EXT1: variants seen among roughly 807,000 people sequenced by gnomAD.
EXT1 encodes the protein exostosin glycosyltransferase 1.
A neutral mutation model predicts 82.5 loss-of-function variants in EXT1; 20 were observed. The ratio of observed to expected loss-of-function variants is 0.24; its 90% CI spans 0.17 to 0.35. EXT1 has a LOEUF of 0.35. EXT1 is among the 10% of genes least tolerant of loss of function. The pLI, the probability that EXT1 is intolerant of heterozygous loss-of-function variation, is 1.00. For synonymous variants in EXT1, 348 were observed against 350.8 expected (o/e 0.99, Z 0.09); for missense variants, 757 against 936.5 (o/e 0.81, Z 2.50).
intron 1 of EXT1, among the ~76,000 whole-genome samples, chr8:118,013,850 G>C (rs561220190): frequency 6.6e-6 from 1 of 152,212 alleles, no homozygotes; most frequent in African/African-American, 2.4e-5. Context: ...AAATTTAACT[G>C]GGCCTCCTAC....
intron 1 of EXT1, among the ~76,000 whole-genome samples, chr8:117,954,601 T>C (rs979063628): frequency 2.6e-5 from 4 of 152,226 alleles, no homozygotes; most frequent in Non-Finnish European, 5.9e-5. Context: ...CCAGCCTATA[T>C]TTGGAGTCTT....
chr8:117,945,963 C>A (rs145119160), intron 1 of EXT1, among the ~76,000 whole-genome samples: 5 of 152,162 alleles, frequency 3.3e-5, no homozygotes, highest in African/African-American at 1.2e-4. Context: ...AGTGCAATGG[C>A]GCAATCTCAG....
chr8:118,004,042 A>T (rs17505093), intron 1 of EXT1, among the ~76,000 whole-genome samples: 2,073 of 152,312 alleles, frequency 0.014, 44 homozygotes, highest in African/African-American at 0.047. Flanking sequence ...AGCTTAAGCA[A>T]TTAGGCTAGA....
At chr8:117,810,430 C>G (rs1563874663) in intron 8 of EXT1, among the ~76,000 whole-genome samples, 1 of 152,182 alleles carries the variant, frequency 6.6e-6, no homozygotes, top group African/African-American at 2.4e-5. Context: ...CATTTTCAAC[C>G]CACGTTGACT....
chr8:117,989,918 G>A (rs778627211), intron 1 of EXT1, among the ~76,000 whole-genome samples: 6 of 152,260 alleles, frequency 3.9e-5, no homozygotes, highest in South Asian at 4.2e-4. Context: ...GACTGGAGGC[G>A]GGCACAGTGG....
intron 1 of EXT1, among the ~76,000 whole-genome samples, chr8:117,979,653 C>A: frequency 6.6e-6 from 1 of 152,004 alleles, no homozygotes; most frequent in East Asian, 1.9e-4. Context: ...GTAACTAGAC[C>A]GGGCAAAACA....
intron 1 of EXT1, among the ~76,000 whole-genome samples, chr8:118,056,482 G>A (rs1160537553): frequency 2.0e-5 from 3 of 152,048 alleles, no homozygotes; most frequent in Admixed American, 1.3e-4. Flanking sequence ...CCCCTACCCC[G>A]GCTTACATTG....
chr8:118,046,568 T>C (rs11562725), intron 1 of EXT1, among the ~76,000 whole-genome samples: 67,549 of 152,006 alleles, frequency 0.44, 15,209 homozygotes, highest in Middle Eastern at 0.52. Flanking sequence ...AGCTCACACT[T>C]CACACCACCT....
chr8:118,105,751 G>T (rs767356627), intron 1 of EXT1, among the ~76,000 whole-genome samples: 1 of 152,028 alleles, frequency 6.6e-6, no homozygotes, highest in Non-Finnish European at 1.5e-5. Flanking sequence ...TAAAACCCGA[G>T]AATCTCAATT....
chr8:117,845,790 T>C (rs1201279544), intron 1 of EXT1, among the ~76,000 whole-genome samples: 1 of 152,110 alleles, frequency 6.6e-6, no homozygotes, highest in African/African-American at 2.4e-5. Flanking sequence ...CTCCACTTTT[T>C]AAGCATTTCC....
chr8:118,018,204 T>C lies in EXT1; in HGVS notation c.962+91881A>G, dbSNP rs1297077030. Among the ~76,000 whole-genome samples the C allele has an allele frequency of 3.3e-5, 5 of 152,172 alleles. No individual in the cohort carries two copies. The South Asian group carries it at 1.0e-3, about 32-fold the overall frequency. On this transcript the variant is annotated intron_variant, in intron 1 of 10. Coordinates refer to ENST00000378204, the MANE Select transcript of EXT1 (RefSeq NM_000127.3). ...ATGTCCTTATTTGGAAATAGGGTCA[T>C]TGCAGATGTAATTAGTTAAGTTAGA...
intron 1 of EXT1, among the ~76,000 whole-genome samples, chr8:117,881,587 G>A (rs1563589542): frequency 6.6e-6 from 1 of 152,138 alleles, no homozygotes; most frequent in African/African-American, 2.4e-5. Flanking sequence ...GTGGTTCCAG[G>A]ACTAAGGCCA....
In EXT1 at chr8:117,837,184, A is replaced by G. The variant is rs1812201734; in HGVS notation, c.980T>C (p.Met327Thr). Residue 327 changes from methionine (M) to threonine (T), a missense_variant, in exon 2 of 11, where the codon ATG becomes ACG. Coordinates refer to ENST00000378204, the MANE Select transcript of EXT1 (RefSeq NM_000127.3). Reference protein sequence around the residue: ...TEYEKYDYREMLHNATFCLVP... With the variant: ...TEYEKYDYRETLHNATFCLVP... ...CAGACAGAAAGTGGCATTGTGCAGC[A>G]TTTCCCGATAATCATACCTAGAAAG... 6.2e-7 allele frequency: 1 copy of G among 1,613,740 alleles called. No homozygotes were observed. The highest frequency in any genetic ancestry group is 1.3e-5 in the African/African-American group (1 of 74,912).
chr8:118,029,071 T>G lies in EXT1; in HGVS notation c.962+81014A>C, dbSNP rs191595004. The stretch of plus-strand genomic sequence containing the variant: ...TCTAGGCAATATACAAAGGACTACA[T>G]GTACCTAGATTAGGAGTTTAAAATA... On this transcript the variant is annotated intron_variant, in intron 1 of 10. Transcript: ENST00000378204. Among the ~76,000 whole-genome samples, 149 of 152,246 alleles carry G rather than the reference T, an allele frequency of 9.8e-4. 2 individuals carry two copies. The highest frequency in any genetic ancestry group is 3.5e-3 in the African/African-American group (144 of 41,518).
intron 1 of EXT1, among the ~76,000 whole-genome samples, chr8:117,934,133 G>A (rs1040352463): frequency 6.6e-6 from 1 of 152,052 alleles, no homozygotes. Flanking sequence ...AGACACACCT[G>A]TAAATTTTCA....
intron 1 of EXT1, among the ~76,000 whole-genome samples, chr8:117,975,790 T>C (rs1815051767): frequency 1.3e-5 from 2 of 152,212 alleles, no homozygotes; most frequent in Non-Finnish European, 1.5e-5. Flanking sequence ...CTCAAATAAA[T>C]CCATTTGAAA....
At chr8:117,987,327 C>A (rs1815343241) in intron 1 of EXT1, among the ~76,000 whole-genome samples, 1 of 152,182 alleles carries the variant, frequency 6.6e-6, no homozygotes, top group South Asian at 2.1e-4. Flanking sequence ...TGGGAAAACC[C>A]CAGATCCTCC....
intron 1 of EXT1, among the ~76,000 whole-genome samples, chr8:118,105,256 AACACC>A (rs1320998979): frequency 6.6e-6 from 1 of 152,208 alleles, no homozygotes; most frequent in Non-Finnish European, 1.5e-5. Flanking sequence ...AGAAAGAACT[AACACC>A]ACCTGCAGGT....
At chr8:117,959,996 A>C (rs1814667462) in intron 1 of EXT1, among the ~76,000 whole-genome samples, 1 of 152,192 alleles carries the variant, frequency 6.6e-6, no homozygotes, top group Non-Finnish European at 1.5e-5. Context: ...GGCAGATCAT[A>C]AGGTCAGGAA....
Sources: gnomAD v4.1 joint callset for allele counts (sites outside exome capture counted in the v4.1 genomes callset) on GRCh38, gnomAD v4.1.1 for gene constraint, MANE v1.5 for transcripts, NCBI Gene and HGNC (gene_info 2026-07-23, HGNC 2026-07-21) for gene names.